INPP4B: variants seen among roughly 807,000 people sequenced by gnomAD.
INPP4B encodes inositol polyphosphate-4-phosphatase type II B, also known as inositol polyphosphate 4-phosphatase type II.
INPP4B carries 55 observed loss-of-function variants against 122.5 expected under a neutral mutation model. That is an observed-to-expected ratio of 0.45 (90% CI 0.36 to 0.56). The LOEUF (loss-of-function observed/expected upper bound fraction) is 0.56. Among genes scored for constraint, INPP4B ranks in the 20% least tolerant of loss-of-function variants. INPP4B has a pLI of 0.00. For missense variants in INPP4B, 1,000 were observed against 1,097.7 expected (o/e 0.91, Z 1.26); for synonymous variants, 403 against 388.7 (o/e 1.04, Z -0.43).
At chr4:142,751,572 A>G (rs1269503603) in intron 1 of INPP4B, among the ~76,000 whole-genome samples, 1 of 152,056 alleles carries the variant, frequency 6.6e-6, no homozygotes, top group African/African-American at 2.4e-5. Flanking sequence ...TTTTAAATTC[A>G]TGTTTCCTAA....
intron 2 of INPP4B, among the ~76,000 whole-genome samples, chr4:142,623,141 G>C (rs191284845): frequency 7.9e-5 from 12 of 152,016 alleles, no homozygotes; most frequent in Non-Finnish European, 1.5e-4. Flanking sequence ...TTCCTTATCT[G>C]AGGCTTATCT....
intron 23 of INPP4B, among the ~76,000 whole-genome samples, chr4:142,089,437 C>CCACACACACACA (rs36203495): frequency 7.1e-6 from 1 of 141,610 alleles, no homozygotes; most frequent in Non-Finnish European, 1.5e-5. Flanking sequence ...GATGTTCTCA[C>CCACACACACACA]CACACACACA....
chr4:142,299,522 G>GT (rs71586276), intron 9 of INPP4B, among the ~76,000 whole-genome samples: 13,856 of 138,092 alleles, frequency 0.1, 630 homozygotes, highest in South Asian at 0.19. Context: ...GAAGTTTTTA[G>GT]TTTTTTTTTT....
intron 2 of INPP4B, among the ~76,000 whole-genome samples, chr4:142,708,930 G>A (rs552336948): frequency 6.6e-6 from 1 of 152,224 alleles, no homozygotes; most frequent in East Asian, 1.9e-4. Flanking sequence ...GCCTGTGAAA[G>A]CAGTGGAGGG....
chr4:142,669,494 C>G (rs1756672753), intron 2 of INPP4B, among the ~76,000 whole-genome samples: 1 of 151,958 alleles, frequency 6.6e-6, no homozygotes, highest in South Asian at 2.1e-4. Flanking sequence ...GAAAGGAGAG[C>G]CCAGAAATAA....
intron 2 of INPP4B, among the ~76,000 whole-genome samples, chr4:142,706,752 T>C (rs541292417): frequency 6.6e-6 from 1 of 152,250 alleles, no homozygotes; most frequent in African/African-American, 2.4e-5. Context: ...ATATGCATTA[T>C]ACACTATGCA....
At chr4:142,454,623 A>G (rs1285998975) in intron 3 of INPP4B, among the ~76,000 whole-genome samples, 1 of 152,082 alleles carries the variant, frequency 6.6e-6, no homozygotes, top group African/African-American at 2.4e-5. Flanking sequence ...GTAATTCAAC[A>G]TGAGAGAGGT....
chr4:142,215,442 A>T (rs1846711484), intron 12 of INPP4B, among the ~76,000 whole-genome samples: 1 of 152,216 alleles, frequency 6.6e-6, no homozygotes, highest in South Asian at 2.1e-4. Flanking sequence ...ACTAAACCTG[A>T]ACAAAAGATA....
intron 2 of INPP4B, among the ~76,000 whole-genome samples, chr4:142,697,091 A>G (rs1761135841): frequency 6.6e-6 from 1 of 152,200 alleles, no homozygotes; most frequent in African/African-American, 2.4e-5. Flanking sequence ...CATATTATAT[A>G]CATGTGATGT....
intron 2 of INPP4B, among the ~76,000 whole-genome samples, chr4:142,578,426 T>C (rs1216632976): frequency 3.3e-5 from 5 of 151,984 alleles, no homozygotes; most frequent in Non-Finnish European, 7.4e-5. Flanking sequence ...CAGAAATTTA[T>C]CCTCTCATAG....
rs148165196 is a variant in INPP4B, at chr4:142,145,852, A to T, written c.1708T>A (p.Ser570Thr). The T allele has an allele frequency of 6.3e-5, 102 of 1,613,434 alleles. No individual in the cohort carries two copies. The Middle Eastern group carries it at 8.2e-4, about 13-fold the overall frequency. Reference protein sequence around the residue: ...KEPSLTDAIPSHPREDWYEQL... With the variant: ...KEPSLTDAIPTHPREDWYEQL... ...AATTATTTCTTACCTCTTGGGTGAG[A>T]GGGAATGGCATCTGTTAATGAAGGT... Residue 570 changes from serine to threonine, a missense_variant, in exon 18 of 26, where the codon TCT becomes ACT. By Grantham distance (58) the Ser-to-Thr change is moderately conservative. Coordinates refer to ENST00000262992, the MANE Select transcript of INPP4B (RefSeq NM_001101669.3).
At chr4:142,300,221 T>C (rs1170672618) in intron 9 of INPP4B, among the ~76,000 whole-genome samples, 3 of 152,182 alleles carry the variant, frequency 2.0e-5, no homozygotes, top group Admixed American at 2.0e-4. Flanking sequence ...AAAACATGCC[T>C]GGCCTCCCAA....
chr4:142,188,518 A>ATATAT (rs1363710453), intron 15 of INPP4B, among the ~76,000 whole-genome samples: 214 of 105,080 alleles, frequency 2.0e-3, no homozygotes, highest in South Asian at 5.5e-3. Context: ...AAAGAAAAAA[A>ATATAT]ATATATATAG....
At chr4:142,425,397 A>G (rs1407073897) in intron 5 of INPP4B, 2 of 151,998 alleles carry the variant, frequency 1.3e-5, no homozygotes. Flanking sequence ...ATGGTCCTCC[A>G]CTATCTTGCC....
intron 2 of INPP4B, among the ~76,000 whole-genome samples, chr4:142,528,173 G>A (rs931617031): frequency 6.6e-6 from 1 of 152,076 alleles, no homozygotes; most frequent in Non-Finnish European, 1.5e-5. Flanking sequence ...GTAGAGAACT[G>A]TATTAGTTAT....
In INPP4B at chr4:142,690,004, C is replaced by A. The variant is rs574141079; in HGVS notation, c.-191+35835G>T. On this transcript the variant is annotated intron_variant, in intron 2 of 25. Coordinates refer to ENST00000262992, the MANE Select transcript of INPP4B (RefSeq NM_001101669.3). ...TTAAGTGACACTTATATTTAATAAT[C>A]TTTTCCATGATGCACTGTCCTGTAT... is the stretch of plus-strand genomic sequence containing the variant. Among the ~76,000 whole-genome samples the A allele has an allele frequency of 2.2e-4, 34 of 152,250 alleles. 1 individual carries two copies. The highest frequency in any genetic ancestry group is 8.3e-4 in the South Asian group (4 of 4,820).
At chr4:142,358,662 A>C (rs1484699987) in intron 7 of INPP4B, among the ~76,000 whole-genome samples, 2 of 151,086 alleles carry the variant, frequency 1.3e-5, no homozygotes, top group Non-Finnish European at 3.0e-5. Context: ...AAAAAAAAAA[A>C]AAAAAAAAAC....
intron 2 of INPP4B, among the ~76,000 whole-genome samples, chr4:142,669,367 A>T (rs1277631837): frequency 6.6e-6 from 1 of 152,190 alleles, no homozygotes. Flanking sequence ...GTAATCTGAA[A>T]CAAAAAGAAC....
intron 1 of INPP4B, among the ~76,000 whole-genome samples, chr4:142,817,828 C>T (rs970385414): frequency 2.6e-5 from 4 of 152,106 alleles, no homozygotes; most frequent in African/African-American, 9.7e-5. Flanking sequence ...ACATCTAAAC[C>T]TACTTTATAA....
Sources: gnomAD v4.1 joint callset for allele counts (sites outside exome capture counted in the v4.1 genomes callset) on GRCh38, gnomAD v4.1.1 for gene constraint, MANE v1.5 for transcripts, NCBI Gene and HGNC (gene_info 2026-07-23, HGNC 2026-07-21) for gene names.